LYST: variants seen among roughly 807,000 people sequenced by gnomAD.
LYST encodes lysosomal trafficking regulator, also known as lysosomal-trafficking regulator.
LYST carries 192 observed loss-of-function variants against 413.6 expected under a neutral mutation model. The ratio of observed to expected loss-of-function variants is 0.46; its 90% CI spans 0.41 to 0.52. The LOEUF is 0.52. Among genes scored for constraint, LYST ranks in the 20% least tolerant of loss-of-function variants. The pLI is 0.00. For synonymous variants in LYST, 1,525 were observed against 1,567.3 expected (o/e 0.97, Z 0.64); for missense variants, 3,815 against 4,499.9 (o/e 0.85, Z 4.35).
chr1:235,682,407 A>G (rs1659895497), intron 48 of LYST, among the ~76,000 whole-genome samples: 1 of 152,204 alleles, frequency 6.6e-6, no homozygotes, highest in African/African-American at 2.4e-5. Context: ...GGACATGGAG[A>G]GGAAGCCCCA....
chr1:235,694,779 G>A (rs553228928), intron 46 of LYST, among the ~76,000 whole-genome samples: 2 of 152,158 alleles, frequency 1.3e-5, no homozygotes, highest in African/African-American at 2.4e-5. Flanking sequence ...TGCCTGGCAT[G>A]CAGCAAGTGC....
chr1:235,823,001 G>C (rs1025100089), intron 3 of LYST, among the ~76,000 whole-genome samples: 4 of 152,142 alleles, frequency 2.6e-5, no homozygotes, highest in African/African-American at 9.7e-5. Context: ...GAGCCAAAGT[G>C]GCTATTCCAG....
chr1:235,661,189 TC>T lies in LYST; in HGVS notation c.*1750del, dbSNP rs976435856. 6.6e-6 allele frequency: 1 copy of T among 152,490 alleles called. No homozygotes were observed. The highest frequency in any genetic ancestry group is 2.4e-5 in the African/African-American group (1 of 41,386). 9.4% of individuals were successfully genotyped at this position (152,490 alleles called of 1,614,324 possible). ...ATTAGGTTTCATGCTGAATAAATAA[TC>T]CCCCCAAATTAATTTTTATTTTTAC... On this transcript the variant is annotated 3_prime_UTR_variant, in exon 53 of 53. Coordinates refer to ENST00000389793, the MANE Select transcript of LYST (RefSeq NM_000081.4).
rs1315002233 is a variant in LYST, at chr1:235,788,221, G to A, written c.4688+480C>T. Among the ~76,000 whole-genome samples the A allele has an allele frequency of 2.6e-5, 4 of 151,942 alleles. 1 individual carries two copies. Among genetic ancestry groups the A allele is most frequent in the Non-Finnish European group, 5.9e-5 (4 of 67,988 alleles). On this transcript the variant is annotated intron_variant, in intron 13 of 52. Transcript: ENST00000389793. ...GTCACCCAGACTGGAGTGCAGTGGC[G>A]CGATCTGGGATCACTACAACCTCTG...
intron 35 of LYST, 28 bp downstream of exon 35, chr1:235,731,004 A>T: frequency 6.2e-7 from 1 of 1,610,646 alleles, no homozygotes; most frequent in South Asian, 1.1e-5. Flanking sequence ...TGCTATATTT[A>T]TATGTTGAGT....
chr1:235,865,287 T>C (rs571938125), intron 1 of LYST, among the ~76,000 whole-genome samples: 3 of 152,254 alleles, frequency 2.0e-5, no homozygotes, highest in African/African-American at 4.8e-5. Context: ...CTAGTTAAAA[T>C]TGCAAACCTC....
At chr1:235,834,298 C>A (rs1676301843) in intron 1 of LYST, among the ~76,000 whole-genome samples, 1 of 152,160 alleles carries the variant, frequency 6.6e-6, no homozygotes, top group Non-Finnish European at 1.5e-5. Flanking sequence ...CTCTACAGTG[C>A]TTACCAGGAA....
rs762719058 is a variant in LYST, at chr1:235,746,410, T to A, written c.7898A>T (p.Gln2633Leu). The part of the protein sequence containing the change: ...QRRMSQENPS[Q>L]ATETELAQRL... ...CTGCGCAAGTTCCGTTTCAGTTGCT[T>A]GGCTAGGGTTCTCTTGGCTCATTCT... The change falls in exon 29 of 53, where the codon CAA becomes CTA. Residue 2633 changes from glutamine (Q) to leucine (L), a missense_variant. Coordinates refer to ENST00000389793, the MANE Select transcript of LYST (RefSeq NM_000081.4). 1 of 1,613,988 alleles carries A rather than the reference T, an allele frequency of 6.2e-7. No individual in the cohort carries two copies. The highest frequency in any genetic ancestry group is 1.1e-5 in the South Asian group (1 of 91,080).
At chr1:235,752,454 G>A (rs1472679624) in intron 26 of LYST, among the ~76,000 whole-genome samples, 1 of 152,126 alleles carries the variant, frequency 6.6e-6, no homozygotes, top group South Asian at 2.1e-4. Flanking sequence ...ATGGTTGTAA[G>A]TGTAACACTA....
chr1:235,844,117 T>C (rs1479726953), intron 1 of LYST, among the ~76,000 whole-genome samples: 3 of 152,342 alleles, frequency 2.0e-5, no homozygotes, highest in South Asian at 4.1e-4. Flanking sequence ...AGCAGCCTTC[T>C]TGAAAATAAA....
At chr1:235,690,915 CTTT>C (rs138162439) in intron 47 of LYST, among the ~76,000 whole-genome samples, 3 of 145,540 alleles carry the variant, frequency 2.1e-5, no homozygotes, top group African/African-American at 2.5e-5. Context: ...TTACAAGTTT[CTTT>C]TTTTTTTTTT....
chr1:235,845,985 C>A (rs1279764682), intron 1 of LYST, among the ~76,000 whole-genome samples: 1 of 152,090 alleles, frequency 6.6e-6, no homozygotes, highest in African/African-American at 2.4e-5. Flanking sequence ...TGTACTACTA[C>A]AGCTGATGCT....
At chr1:235,769,600 C>G (rs1668463453) in intron 20 of LYST, among the ~76,000 whole-genome samples, 1 of 151,662 alleles carries the variant, frequency 6.6e-6, no homozygotes, top group Non-Finnish European at 1.5e-5. Flanking sequence ...AGATATTTAT[C>G]AATGCCTTTT....
chr1:235,751,119 G>A (rs1240150651), intron 28 of LYST, 91 bp downstream of exon 28: 1 of 1,267,118 alleles, frequency 7.9e-7, no homozygotes, highest in African/African-American at 1.5e-5. Flanking sequence ...TGTAAAACAA[G>A]AAATATTTTA....
In LYST at chr1:235,746,407, G is replaced by A. The variant is rs375082593; in HGVS notation, c.7901C>T (p.Ala2634Val). Residue 2634 changes from alanine to valine, a missense_variant, in exon 29 of 53, where the codon GCA becomes GTA. Coordinates refer to ENST00000389793, the MANE Select transcript of LYST (RefSeq NM_000081.4). Reference protein sequence around the residue: ...RRMSQENPSQATETELAQRLQ... With the variant: ...RRMSQENPSQVTETELAQRLQ... ...TCTCTGCGCAAGTTCCGTTTCAGTT[G>A]CTTGGCTAGGGTTCTCTTGGCTCAT... 2.7e-5 allele frequency: 43 copies of A among 1,613,780 alleles called. No homozygotes were observed. The highest frequency in any genetic ancestry group is 3.2e-5 in the Non-Finnish European group (38 of 1,179,874).
chr1:235,789,752 T>C (rs1379065582), intron 12 of LYST, among the ~76,000 whole-genome samples: 1 of 152,168 alleles, frequency 6.6e-6, no homozygotes, highest in Non-Finnish European at 1.5e-5. Context: ...CTGACCAAGA[T>C]ATATGATATA....
intron 31 of LYST, chr1:235,738,384 C>T (rs921009582): frequency 2.2e-5 from 36 of 1,613,044 alleles, no homozygotes; most frequent in African/African-American, 8.0e-5. Flanking sequence ...AAATACAGCC[C>T]GAACTGCAAG....
chr1:235,764,752 C>T (rs1667964916), intron 21 of LYST, among the ~76,000 whole-genome samples: 1 of 151,896 alleles, frequency 6.6e-6, no homozygotes, highest in Admixed American at 6.6e-5. Flanking sequence ...ATCTGCCTGC[C>T]CCGGCTTCCC....
chr1:235,781,925 A>C lies in LYST; in HGVS notation c.5023+2T>G. On this transcript the variant is annotated splice_donor_variant, in intron 15 of 52. Transcript: ENST00000389793. LOFTEE classifies it high-confidence loss of function. ...GCAGTGGTGCAATCATAGCTCACTC[A>C]CCGTTGAAGAGAAGCAAATTTCCCA... 1 of 1,602,232 alleles carries C rather than the reference A, an allele frequency of 6.2e-7. No individual in the cohort carries two copies. Among genetic ancestry groups the C allele is most frequent in the Non-Finnish European group, 8.6e-7 (1 of 1,169,348 alleles).
Sources: gnomAD v4.1 joint callset for allele counts (sites outside exome capture counted in the v4.1 genomes callset) on GRCh38, gnomAD v4.1.1 for gene constraint, MANE v1.5 for transcripts, NCBI Gene and HGNC (gene_info 2026-07-23, HGNC 2026-07-21) for gene names.